The following PPFIA2 variants were observed in gnomAD, a reference collection of about 807,000 sequenced individuals.
PPFIA2 encodes the protein PPFI scaffold protein A2, also known as liprin-alpha-2.
In PPFIA2, 46 loss-of-function variants were observed where a neutral mutation model predicts 175.5. That is an observed-to-expected ratio of 0.26 (90% confidence interval 0.21 to 0.34). The LOEUF (loss-of-function observed/expected upper bound fraction) is 0.34, where lower values mean the gene tolerates loss of function less well. Among genes scored for constraint, PPFIA2 ranks in the 10% least tolerant of loss-of-function variants. The probability of loss-of-function intolerance (pLI) is 1.00; values close to 1 mark genes in which losing one functional copy is unlikely to be tolerated. For missense variants in PPFIA2, 1,179 were observed against 1,506.1 expected (o/e 0.78, Z 3.60); for synonymous variants, 568 against 511.4 (o/e 1.11, Z -1.49).
rs200410799 is a variant in PPFIA2, at chr12:81,347,630, G to A, written c.2135C>T (p.Ser712Leu). Residue 712 changes from serine (S) to leucine (L), a missense_variant, in exon 18 of 33, where the codon TCG (serine) becomes TTG (leucine). Ser to Leu is a moderately radical substitution (Grantham distance 145). Transcript: ENST00000549396. ...ACTGGGGGGAGATGAACTGGCCAGC[G>A]ATGAAGCTGTAACAGAGGCAGTAAT... ...TSITASVTAS[S>L]LASSSPPSGH... 2.2e-5 allele frequency: 36 copies of A among 1,613,728 alleles called. No individual in the cohort carries two copies. The highest frequency in any genetic ancestry group is 5.1e-6 in the Non-Finnish European group (6 of 1,179,816).
chr12:81,695,809 G>C (rs1303044429), intron 3 of PPFIA2, among the ~76,000 whole-genome samples: 1 of 152,102 alleles, frequency 6.6e-6, no homozygotes, highest in African/African-American at 2.4e-5. Context: ...GGCTTCTTCT[G>C]AATGTTTTTG....
At chr12:81,472,773 A>G (rs2056932856) in intron 4 of PPFIA2, 2 of 152,186 alleles carry the variant, frequency 1.3e-5, no homozygotes, top group Non-Finnish European at 1.5e-5. Context: ...AGAACAAAAA[A>G]AACTAAAAAC....
At chr12:81,678,845 C>T (rs2073070650) in intron 3 of PPFIA2, among the ~76,000 whole-genome samples, 1 of 151,728 alleles carries the variant, frequency 6.6e-6, no homozygotes, top group South Asian at 2.1e-4. Context: ...GTAAAAATAT[C>T]CTAATTATAT....
chr12:81,426,357 T>C (rs1463850167), intron 7 of PPFIA2, among the ~76,000 whole-genome samples: 1 of 152,180 alleles, frequency 6.6e-6, no homozygotes, highest in Middle Eastern at 3.2e-3. Flanking sequence ...TTACCTATAA[T>C]AAACCATAAC....
chr12:81,627,532 T>C (rs2062857763), intron 4 of PPFIA2, among the ~76,000 whole-genome samples: 2 of 152,160 alleles, frequency 1.3e-5, no homozygotes, highest in Admixed American at 1.3e-4. Context: ...TAGAAAGATG[T>C]CATCTGATTC....
intron 23 of PPFIA2, 109 bp from the exon 24 acceptor site, chr12:81,295,144 C>A (rs903717582): frequency 3.1e-6 from 3 of 962,200 alleles, no homozygotes; most frequent in South Asian, 1.6e-5. Flanking sequence ...CCTCACCCCA[C>A]GAGATAAAAT....
intron 4 of PPFIA2, among the ~76,000 whole-genome samples, chr12:81,591,589 G>A (rs1431201499): frequency 6.6e-6 from 1 of 152,094 alleles, no homozygotes; most frequent in African/African-American, 2.4e-5. Context: ...ACAGTCTAGG[G>A]ACTTGGTGCC....
chr12:81,668,340 T>G (rs1289383028), intron 4 of PPFIA2, among the ~76,000 whole-genome samples: 2 of 151,996 alleles, frequency 1.3e-5, no homozygotes, highest in African/African-American at 4.8e-5. Flanking sequence ...CTGCTATTCT[T>G]TCTCACTGGC....
In PPFIA2 at chr12:81,325,765, C is replaced by T. The variant is rs771702715; in HGVS notation, c.2642+12G>A. 1.0e-5 allele frequency: 16 copies of T among 1,597,550 alleles called. No homozygotes were observed. Among genetic ancestry groups the T allele is most frequent in the Admixed American group, 5.0e-5 (3 of 59,692 alleles). ...AAAAGTTAGAAAAAGAGGGAAAAAT[C>T]CCCAAACCTACTTTTTCTTTAGTCT... On this transcript the variant is annotated intron_variant, in intron 22 of 32. Coordinates refer to ENST00000549396, the MANE Select transcript of PPFIA2 (RefSeq NM_003625.5).
At chr12:81,564,489 TC>T (rs2070879533) in intron 4 of PPFIA2, among the ~76,000 whole-genome samples, 2 of 152,184 alleles carry the variant, frequency 1.3e-5, no homozygotes, top group Non-Finnish European at 2.9e-5. Flanking sequence ...AGGATGGAGT[TC>T]TTTTGTTGGT....
At chr12:81,559,926 T>C (rs969491690) in intron 4 of PPFIA2, among the ~76,000 whole-genome samples, 1 of 151,990 alleles carries the variant, frequency 6.6e-6, no homozygotes, top group Non-Finnish European at 1.5e-5. Flanking sequence ...TTGGCCAAAA[T>C]AGAAAGTTCA....
intron 4 of PPFIA2, among the ~76,000 whole-genome samples, chr12:81,644,239 A>G (rs926396124): frequency 2.0e-5 from 3 of 152,042 alleles, no homozygotes; most frequent in Admixed American, 6.6e-5. Flanking sequence ...ATGCATTACT[A>G]TATTCTATTG....
intron 21 of PPFIA2, among the ~76,000 whole-genome samples, chr12:81,331,295 A>G (rs1221108368): frequency 1.3e-5 from 2 of 152,238 alleles, no homozygotes; most frequent in African/African-American, 2.4e-5. Context: ...TTATAGCAAC[A>G]GGCTATACCT....
intron 4 of PPFIA2, among the ~76,000 whole-genome samples, chr12:81,544,369 G>T (rs2066672075): frequency 6.6e-6 from 1 of 152,146 alleles, no homozygotes; most frequent in Non-Finnish European, 1.5e-5. Flanking sequence ...CAGGCAGCAT[G>T]GTCTTAATGG....
chr12:81,538,905 T>C (rs1841308518), intron 4 of PPFIA2, among the ~76,000 whole-genome samples: 1 of 151,878 alleles, frequency 6.6e-6, no homozygotes. Flanking sequence ...GGCTGCTGTG[T>C]TGAGAACAGA....
intron 4 of PPFIA2, among the ~76,000 whole-genome samples, chr12:81,533,286 G>T (rs2064858819): frequency 6.6e-6 from 1 of 151,628 alleles, no homozygotes; most frequent in Non-Finnish European, 1.5e-5. Flanking sequence ...AGTATAAAAG[G>T]ATATTCTATA....
chr12:81,706,709 C>T (rs1469180100), intron 3 of PPFIA2, among the ~76,000 whole-genome samples: 4 of 152,064 alleles, frequency 2.6e-5, no homozygotes, highest in Admixed American at 6.6e-5. Context: ...AGAGGCAGCC[C>T]GCATAGCCAA....
chr12:81,393,479 C>T (rs925586256), intron 8 of PPFIA2, among the ~76,000 whole-genome samples: 2 of 151,970 alleles, frequency 1.3e-5, no homozygotes, highest in African/African-American at 2.4e-5. Context: ...TCCCACATCC[C>T]AAGGAAGAAT....
chr12:81,554,551 A>T lies in PPFIA2; in HGVS notation c.304-96685T>A, dbSNP rs150402443. Reference sequence around the variant, plus strand: ...AAGATTTACATCTAATAGTTTTAAGATCCAACAAAATCTACTATCTCTTTC... The same window carrying T: ...AAGATTTACATCTAATAGTTTTAAGTTCCAACAAAATCTACTATCTCTTTC... On this transcript the variant is annotated intron_variant, in intron 4 of 32. Coordinates refer to ENST00000549396, the MANE Select transcript of PPFIA2 (RefSeq NM_003625.5). Among the ~76,000 whole-genome samples, 18 of 152,186 alleles carry T rather than the reference A, an allele frequency of 1.2e-4. 1 individual carries two copies. The highest frequency in any genetic ancestry group is 4.3e-4 in the African/African-American group (18 of 41,564).
Sources: allele counts gnomAD v4.1 joint callset (sites outside exome capture counted in the v4.1 genomes callset), GRCh38; gene constraint gnomAD v4.1.1; transcripts MANE v1.5; gene names NCBI Gene and HGNC (gene_info 2026-07-23, HGNC 2026-07-21).